The following GLIS3 variants were observed in gnomAD, a reference collection of about 807,000 sequenced individuals.
GLIS3 encodes the protein GLIS family zinc finger 3, also known as zinc finger protein GLIS3.
Under a neutral mutation model 78.6 loss-of-function variants are expected in GLIS3, and 53 were observed. That is an observed-to-expected ratio of 0.67 (90% CI 0.54 to 0.85). The LOEUF (loss-of-function observed/expected upper bound fraction) is 0.85, where lower values mean the gene tolerates loss of function less well. Among genes scored for constraint, GLIS3 ranks in the 40% least tolerant of loss-of-function variants. The probability of loss-of-function intolerance (pLI) is 0.00; values close to 1 mark genes in which losing one functional copy is unlikely to be tolerated. For missense variants in GLIS3, 1,703 were observed against 1,231.1 expected, an observed-to-expected ratio of 1.38 and a Z score of -5.74; for synonymous variants, 684 against 509.9, an observed-to-expected ratio of 1.34 and a Z score of -4.60.
At position 4,300,008 on chromosome 9, in the gene GLIS3, G is replaced by C. The variant is rs1321075612; in HGVS notation, c.-686C>G. 6.6e-6 allele frequency: 1 copy of C among 152,288 alleles called. No homozygotes were observed. The highest frequency in any genetic ancestry group is 1.5e-5 in the Non-Finnish European group (1 of 68,146). 9.4% of individuals were successfully genotyped at this position (152,288 alleles called of 1,614,324 possible). A position where few individuals can be genotyped will look rare whatever the true frequency, so the allele number is the denominator to read the frequency against. ...GGCGCAGTGTGGACGCGGCTGCAGG[G>C]AGAGGGGAAGGGGGAAGAGGGAGGG... On this transcript the variant is annotated 5_prime_UTR_variant, in exon 1 of 11. Transcript: ENST00000381971.
At chr9:3,931,679 A>G (rs1201498318) in intron 6 of GLIS3, among the ~76,000 whole-genome samples, 1 of 152,242 alleles carries the variant, frequency 6.6e-6, no homozygotes, top group Non-Finnish European at 1.5e-5. Context: ...CTTGCTAGAC[A>G]TCTTATGGAG....
chr9:4,429,662 C>T, the GLIS3 span, among the ~76,000 whole-genome samples: 1 of 152,254 alleles, frequency 6.6e-6, no homozygotes, highest in East Asian at 1.9e-4. Context: ...AGTAGCACTG[C>T]AAGGTTCATG....
At position 3,850,013 on chromosome 9, in the gene GLIS3, T is replaced by G. The variant is rs574660771; in HGVS notation, c.2473+5996A>C. Among the ~76,000 whole-genome samples, 250 of 152,298 alleles carry G rather than the reference T, an allele frequency of 1.6e-3. 1 individual carries two copies. The highest frequency in any genetic ancestry group is 6.8e-3 in the Middle Eastern group (2 of 294). On this transcript the variant is annotated intron_variant, in intron 9 of 10. Coordinates refer to ENST00000381971, the MANE Select transcript of GLIS3 (RefSeq NM_001042413.2). ...AAATGAACCCCGAAAAATCTTGTCC[T>G]CTGCACAAATGTGTATTAAAAATAA...
chr9:4,158,205 T>C (rs931850469), intron 2 of GLIS3, among the ~76,000 whole-genome samples: 1 of 152,220 alleles, frequency 6.6e-6, no homozygotes, highest in Non-Finnish European at 1.5e-5. Context: ...TTTCATAAGC[T>C]CCTTTCTCCA....
intron 7 of GLIS3, among the ~76,000 whole-genome samples, chr9:3,890,968 A>G (rs1822391977): frequency 6.6e-6 from 1 of 152,092 alleles, no homozygotes; most frequent in African/African-American, 2.4e-5. Context: ...GTAGTGGAAT[A>G]CAAAATGTAA....
the GLIS3 span, among the ~76,000 whole-genome samples, chr9:4,370,510 G>C: frequency 9.2e-5 from 14 of 152,030 alleles, no homozygotes; most frequent in East Asian, 7.7e-4. Flanking sequence ...ATTCCAAATT[G>C]TCAAGACCTT....
the GLIS3 span, among the ~76,000 whole-genome samples, chr9:4,416,912 A>C: frequency 6.9e-6 from 1 of 144,000 alleles, no homozygotes; most frequent in South Asian, 2.3e-4. Flanking sequence ...TCTGCCTCCC[A>C]GGTTCAAGCG....
At position 3,829,618 on chromosome 9, in the gene GLIS3, C is replaced by T. The variant is rs149836614; in HGVS notation, c.2474-126G>A. ...CAAATGCCTTTAACTCTTAAGGCCA[C>T]CTGTAGAATCTTCCAAGCAAACATT... On this transcript the variant is annotated intron_variant, in intron 9 of 10. Coordinates refer to ENST00000381971, the MANE Select transcript of GLIS3 (RefSeq NM_001042413.2). 3.6e-4 allele frequency: 318 copies of T among 872,748 alleles called. 1 individual carries two copies. In the African/African-American group the frequency reaches 4.7e-3, roughly 13 times the overall value. 54.1% of individuals were successfully genotyped at this position (872,748 alleles called of 1,614,324 possible). A position where few individuals can be genotyped will look rare whatever the true frequency, so the allele number is the denominator to read the frequency against.
intron 4 of GLIS3, among the ~76,000 whole-genome samples, chr9:3,965,241 T>C (rs956043835): frequency 1.7e-4 from 23 of 133,262 alleles, no homozygotes; most frequent in Admixed American, 9.5e-4. Context: ...GTGCCCAGGC[T>C]GGAGTGCAGT....
chr9:4,440,016 T>C, the GLIS3 span, among the ~76,000 whole-genome samples: 5 of 152,192 alleles, frequency 3.3e-5, no homozygotes, highest in Non-Finnish European at 5.9e-5. Context: ...TCTATTCAAG[T>C]CTTTCGCCCA....
intron 2 of GLIS3, among the ~76,000 whole-genome samples, chr9:4,205,395 T>C (rs1474585376): frequency 6.6e-6 from 1 of 152,100 alleles, no homozygotes; most frequent in Non-Finnish European, 1.5e-5. Context: ...GAGTTACGAA[T>C]TGGTTCAGGG....
chr9:4,341,240 A>G (rs1817830081), intron 2 of GLIS3, among the ~76,000 whole-genome samples: 1 of 152,152 alleles, frequency 6.6e-6, no homozygotes, highest in South Asian at 2.1e-4. Flanking sequence ...TTCTTCAGCC[A>G]TTTCCAACCT....
At chr9:3,946,361 C>T (rs1445338) in intron 4 of GLIS3, among the ~76,000 whole-genome samples, 90,878 of 152,034 alleles carry the variant, frequency 0.6, 27,860 homozygotes, top group African/African-American at 0.74. Flanking sequence ...AAATGAACTC[C>T]TTGTAAGAAT....
intron 8 of GLIS3, among the ~76,000 whole-genome samples, chr9:3,867,838 C>T (rs1181151425): frequency 6.6e-6 from 1 of 152,002 alleles, no homozygotes; most frequent in African/African-American, 2.4e-5. Context: ...TCTTGAATAT[C>T]TGTGGAAGTT....
chr9:4,314,966 G>A (rs745826556), intron 2 of GLIS3, among the ~76,000 whole-genome samples: 11 of 152,294 alleles, frequency 7.2e-5, no homozygotes, highest in South Asian at 4.2e-4. Context: ...GGGAAGCCCC[G>A]AAAGCCAGTT....
At chr9:3,837,435 T>G (rs1818421937) in intron 9 of GLIS3, among the ~76,000 whole-genome samples, 1 of 152,240 alleles carries the variant, frequency 6.6e-6, no homozygotes, top group South Asian at 2.1e-4. Context: ...CCCAAAGGGT[T>G]GGAAAACTTA....
At chr9:4,169,227 G>T (rs543667935) in intron 2 of GLIS3, among the ~76,000 whole-genome samples, 7 of 152,092 alleles carry the variant, frequency 4.6e-5, no homozygotes, top group Admixed American at 3.9e-4. Context: ...GAAAGCATGA[G>T]GAAAGTCATC....
At chr9:4,396,216 G>A in the GLIS3 span, among the ~76,000 whole-genome samples, 19 of 151,920 alleles carry the variant, frequency 1.3e-4, no homozygotes, top group South Asian at 8.3e-4. Flanking sequence ...GGGTTTAAGC[G>A]ATTCTTCTGC....
At chr9:3,927,662 G>A (rs564391716) in intron 6 of GLIS3, among the ~76,000 whole-genome samples, 1 of 152,308 alleles carries the variant, frequency 6.6e-6, no homozygotes, top group South Asian at 2.1e-4. Flanking sequence ...AGGAAGAGAA[G>A]CTTATTCTTA....
Sources: gnomAD v4.1 joint callset for allele counts (sites outside exome capture counted in the v4.1 genomes callset) on GRCh38, gnomAD v4.1.1 for gene constraint, MANE v1.5 for transcripts, NCBI Gene and HGNC (gene_info 2026-07-23, HGNC 2026-07-21) for gene names.